Variants in THRAP3 observed in about 807,000 individuals in gnomAD.
THRAP3 encodes the protein thyroid hormone receptor-associated protein 3.
THRAP3 carries 16 observed loss-of-function variants against 101.0 expected under a neutral mutation model. The ratio of observed to expected loss-of-function variants is 0.16; its 90% CI spans 0.11 to 0.24. THRAP3 has a LOEUF of 0.24. Ranked by LOEUF, THRAP3 falls within the 10% of genes least tolerant of loss-of-function variation. The probability of loss-of-function intolerance (pLI) is 1.00; values close to 1 mark genes in which losing one functional copy is unlikely to be tolerated. For synonymous variants in THRAP3, 407 were observed against 422.6 expected, an observed-to-expected ratio of 0.96 and a Z score of 0.45; for missense variants, 989 against 1,202.7, an observed-to-expected ratio of 0.82 and a Z score of 2.63.
intron 8 of THRAP3, 99 bp downstream of exon 8, chr1:36,294,034 G>C: frequency 6.5e-7 from 1 of 1,531,832 alleles, no homozygotes; most frequent in Non-Finnish European, 8.8e-7. Flanking sequence ...ACTTAAGTTT[G>C]TGTTTTTCTT....
chr1:36,240,091 C>T (rs961131090), intron 1 of THRAP3, among the ~76,000 whole-genome samples: 7 of 152,130 alleles, frequency 4.6e-5, no homozygotes, highest in African/African-American at 1.4e-4. Flanking sequence ...ATCAACCCCC[C>T]TACATTAAGG....
chr1:36,275,645 T>G (rs1211622304), intron 2 of THRAP3, among the ~76,000 whole-genome samples: 1 of 150,928 alleles, frequency 6.6e-6, no homozygotes, highest in Non-Finnish European at 1.5e-5. Context: ...AGTTTCACTC[T>G]TATTGCCCAG....
intron 1 of THRAP3, among the ~76,000 whole-genome samples, chr1:36,258,589 C>T (rs1482214344): frequency 6.6e-6 from 1 of 152,152 alleles, no homozygotes; most frequent in Non-Finnish European, 1.5e-5. Context: ...CACTCTCCCA[C>T]CTCAGCCTCC....
At chr1:36,246,649 T>C (rs1276190300) in intron 1 of THRAP3, among the ~76,000 whole-genome samples, 1 of 151,976 alleles carries the variant, frequency 6.6e-6, no homozygotes, top group African/African-American at 2.4e-5. Context: ...GAGACCATCC[T>C]GGCTAACATG....
At chr1:36,269,870 T>C (rs185733882) in intron 2 of THRAP3, among the ~76,000 whole-genome samples, 124 of 152,228 alleles carry the variant, frequency 8.1e-4, no homozygotes, top group Admixed American at 1.4e-3. Context: ...AGCCACTGTT[T>C]ACAGCTGCAT....
chr1:36,210,720 TATATA>T, the THRAP3 span, among the ~76,000 whole-genome samples: 33 of 9,272 alleles, frequency 3.6e-3, 3 homozygotes, highest in African/African-American at 0.011. Context: ...TATATATATA[TATATA>T]TATATATATA....
chr1:36,271,392 C>T (rs1274866409), intron 2 of THRAP3, among the ~76,000 whole-genome samples: 1 of 152,042 alleles, frequency 6.6e-6, no homozygotes, highest in East Asian at 1.9e-4. Context: ...AAGCGATTCT[C>T]CCGCCTCAGC....
At chr1:36,220,244 C>T (rs1557797483), upstream of THRAP3, among the ~76,000 whole-genome samples, 3 of 152,190 alleles carry the variant, frequency 2.0e-5, no homozygotes, top group Non-Finnish European at 2.9e-5. Flanking sequence ...CTACCCATCT[C>T]GGCCTGCCAA....
chr1:36,287,981 G>A, intron 4 of THRAP3: 1 of 962,718 alleles, frequency 1.0e-6, no homozygotes, highest in Non-Finnish European at 1.2e-6. Context: ...GACTAACCCA[G>A]CAAGTGGCTC....
chr1:36,281,058 T>A (rs1245450802), intron 2 of THRAP3, among the ~76,000 whole-genome samples: 1 of 150,572 alleles, frequency 6.6e-6, no homozygotes, highest in Non-Finnish European at 1.5e-5. Flanking sequence ...CCTGAGTAGC[T>A]GGGATTACAG....
intron 1 of THRAP3, among the ~76,000 whole-genome samples, chr1:36,246,940 T>C (rs571810437): frequency 6.6e-6 from 1 of 152,338 alleles, no homozygotes; most frequent in Admixed American, 6.5e-5. Flanking sequence ...AAAAAATTGA[T>C]AATATACATT....
In THRAP3 at chr1:36,257,872, G is replaced by A. The variant is rs545730702; in HGVS notation, c.-134-1510G>A. 7.9e-5 allele frequency among the ~76,000 whole-genome samples: 12 copies of A among 152,134 alleles called. 2 individuals carry two copies. The highest frequency in any genetic ancestry group is 1.6e-4 in the Non-Finnish European group (11 of 68,010). On this transcript the variant is annotated intron_variant, in intron 1 of 11. Transcript: ENST00000354618. ...TTTTGTTGTTTTGAGACAGAGTCTC[G>A]CTCTGTCACCCACGCTGGAGTGCAA...
In THRAP3 at chr1:36,304,268, T is replaced by C; in HGVS notation, c.*251T>C. 1 of 372,492 alleles carries C rather than the reference T, an allele frequency of 2.7e-6. No individual in the cohort carries two copies. Among genetic ancestry groups the C allele is most frequent in the East Asian group, 4.4e-5 (1 of 22,886 alleles). The allele number at this position is 372,492 out of a possible 1,614,324, so 23.1% of individuals were successfully genotyped here. A position where few individuals can be genotyped will look rare whatever the true frequency, so the allele number is the denominator to read the frequency against. On this transcript the variant is annotated 3_prime_UTR_variant, in exon 12 of 12. Transcript: ENST00000354618. Reference sequence around the variant, plus strand: ...ACAACGCATTGGGCTTTAGCTGTTTTTCTCATTTGTTGGTGTGTGGGGTGG... The same window carrying C: ...ACAACGCATTGGGCTTTAGCTGTTTCTCTCATTTGTTGGTGTGTGGGGTGG...
Position 36,286,359 on chromosome 1 carries a change from C to A in THRAP3, c.138-9C>A. ...ATTCAAACATTTGTCTCTTTCCTTT[C>A]CATTCCAGTTCTAGGTCTCGTTCCA... On this transcript the variant is annotated splice_polypyrimidine_tract_variant and intron_variant, in intron 3 of 11. Coordinates refer to ENST00000354618, the MANE Select transcript of THRAP3 (RefSeq NM_005119.4). The surrounding 1 kb of genome is among the most constrained non-coding windows in gnomAD (Gnocchi z 5.5). The A allele has an allele frequency of 6.4e-7, 1 of 1,556,738 alleles. No homozygotes were observed. The highest frequency in any genetic ancestry group is 8.7e-7 in the Non-Finnish European group (1 of 1,154,922).
At chr1:36,295,886 C>T (rs1177312039) in intron 8 of THRAP3, among the ~76,000 whole-genome samples, 2 of 143,340 alleles carry the variant, frequency 1.4e-5, no homozygotes, top group Non-Finnish European at 3.0e-5. Context: ...CTTTTCTACT[C>T]TTAGTGGTGG....
At chr1:36,262,069 T>C (rs931737616) in intron 2 of THRAP3, among the ~76,000 whole-genome samples, 2 of 152,232 alleles carry the variant, frequency 1.3e-5, no homozygotes, top group African/African-American at 4.8e-5. Flanking sequence ...TAATACATTT[T>C]AGTAGTCACA....
At chr1:36,229,430 TTTTTTTG>T in intron 1 of THRAP3, among the ~76,000 whole-genome samples, 1 of 122,632 alleles carries the variant, frequency 8.2e-6, no homozygotes, top group East Asian at 2.3e-4. Context: ...TTTGTTTTTT[TTTTTTTG>T]AGAATAAGTA....
At chr1:36,292,512 T>C in intron 6 of THRAP3, 86 bp from the exon 7 acceptor site, 1 of 914,586 alleles carries the variant, frequency 1.1e-6, no homozygotes, top group South Asian at 1.6e-5. Flanking sequence ...CCTCGTGATC[T>C]GCCCACCTCG....
At position 36,286,579 on chromosome 1, in the gene THRAP3, G is replaced by T. The variant is rs754930134; in HGVS notation, c.349G>T (p.Ala117Ser). ...CTCAAATTGGCAGAATTACCGGCAA[G>T]CATACAGTCCTCGTCGAGGCCGTTC... ...YRSNWQNYRQ[A>S]YSPRRGRSRS... The change falls in exon 4 of 12, where the codon GCA becomes TCA. Residue 117 changes from alanine to serine, a missense_variant. Coordinates refer to ENST00000354618, the MANE Select transcript of THRAP3 (RefSeq NM_005119.4). The surrounding 1 kb of genome is among the most constrained non-coding windows in gnomAD (Gnocchi z 5.5). The T allele has an allele frequency of 3.1e-6, 5 of 1,614,130 alleles. No homozygotes were observed. Among genetic ancestry groups the T allele is most frequent in the Non-Finnish European group, 4.2e-6 (5 of 1,180,040 alleles).
Sources: allele counts gnomAD v4.1 joint callset (sites outside exome capture counted in the v4.1 genomes callset), GRCh38; gene constraint gnomAD v4.1.1; non-coding constraint Gnocchi (gnomAD v3.1); transcripts MANE v1.5; gene names NCBI Gene and HGNC (gene_info 2026-07-23, HGNC 2026-07-21).